PCDHGA2: variants seen among roughly 807,000 people sequenced by gnomAD.
PCDHGA2 encodes the protein protocadherin gamma subfamily A, 2.
In PCDHGA2, 40 loss-of-function variants were observed where a neutral mutation model predicts 59.2. The observed-to-expected ratio is 0.68, with a 90% confidence interval of 0.52 to 0.88. The LOEUF is 0.88. Ranked by LOEUF, PCDHGA2 falls within the 40% of genes least tolerant of loss-of-function variation. The probability of loss-of-function intolerance (pLI) is 0.00; values close to 1 mark genes in which losing one functional copy is unlikely to be tolerated. For missense variants in PCDHGA2, 1,226 were observed against 1,204.0 expected, an observed-to-expected ratio of 1.02 and a Z score of -0.27; for synonymous variants, 560 against 526.0, an observed-to-expected ratio of 1.06 and a Z score of -0.89.
intron 1 of PCDHGA2, chr5:141,377,057 C>A (rs72790015): frequency 0.063 from 9,654 of 152,822 alleles, 351 homozygotes; most frequent in African/African-American, 0.097. Context: ...TTTTCTTAGC[C>A]CTTTGCAGAG....
intron 1 of PCDHGA2, chr5:141,357,072 C>T (rs745612694): frequency 6.2e-7 from 1 of 1,613,960 alleles, no homozygotes; most frequent in Non-Finnish European, 8.5e-7. Flanking sequence ...TGCACACAGG[C>T]GAGGTGCGCA....
intron 1 of PCDHGA2, among the ~76,000 whole-genome samples, chr5:141,442,913 AACT>A (rs1163578304): frequency 6.6e-6 from 1 of 152,214 alleles, no homozygotes. Flanking sequence ...TTCAGCACAC[AACT>A]GTTTCATTTT....
chr5:141,405,595 A>C (rs1255161296), intron 1 of PCDHGA2: 1 of 578,138 alleles, frequency 1.7e-6, no homozygotes, highest in Non-Finnish European at 3.1e-6. Flanking sequence ...CAGGCCTCCC[A>C]AGTAGAATAA....
Position 141,491,964 on chromosome 5 carries a change from C to A in PCDHGA2, c.2425-2843C>A. On this transcript the variant is annotated intron_variant, in intron 1 of 3. Transcript: ENST00000394576. The surrounding 1 kb of genome is among the most constrained non-coding windows in gnomAD (Gnocchi z 6.9). ...CCCCACCCCTACACTCAAAAAAGGC[C>A]GGGGCCTCCTTCGAGCTTCCGGTGA... The A allele has an allele frequency of 1.1e-6, 1 of 943,952 alleles. No homozygotes were observed. The highest frequency in any genetic ancestry group is 1.5e-6 in the Non-Finnish European group (1 of 671,094). 58.5% of individuals were successfully genotyped at this position (943,952 alleles called of 1,614,324 possible). A position where few individuals can be genotyped will look rare whatever the true frequency, so the allele number is the denominator to read the frequency against.
intron 1 of PCDHGA2, chr5:141,421,414 C>A (rs2096570568): frequency 1.9e-6 from 3 of 1,614,066 alleles, no homozygotes; most frequent in South Asian, 2.2e-5. Flanking sequence ...GCTGGCGAAG[C>A]GCGGAGTCCG....
At position 141,476,209 on chromosome 5, in the gene PCDHGA2, G is replaced by A. The variant is rs749576231; in HGVS notation, c.2425-18598G>A. ...TTGGTGCCTTGAACAAGGCTTCCAC[G>A]GTCATTCACTATGAGATCCCGGAGG... On this transcript the variant is annotated intron_variant, in intron 1 of 3. Coordinates refer to ENST00000394576, the MANE Select transcript of PCDHGA2 (RefSeq NM_018915.4). The surrounding 1 kb of genome is among the most constrained non-coding windows in gnomAD (Gnocchi z 7.6). The A allele has an allele frequency of 3.1e-6, 5 of 1,613,974 alleles. No individual in the cohort carries two copies. Among genetic ancestry groups the A allele is most frequent in the Admixed American group, 1.7e-5 (1 of 60,014 alleles).
At chr5:141,463,796 G>T (rs139760353) in intron 1 of PCDHGA2, among the ~76,000 whole-genome samples, 3 of 152,114 alleles carry the variant, frequency 2.0e-5, no homozygotes, top group Non-Finnish European at 2.9e-5. Flanking sequence ...TTGAACAAAT[G>T]TCTAAAAGCT....
At position 141,485,325 on chromosome 5, in the gene PCDHGA2, A is replaced by T; in HGVS notation, c.2425-9482A>T. 6.2e-7 allele frequency: 1 copy of T among 1,614,078 alleles called. No homozygotes were observed. Among genetic ancestry groups the T allele is most frequent in the Non-Finnish European group, 8.5e-7 (1 of 1,180,014 alleles). ...ACTTTTGTAGGGAATGTCGCTCAAG[A>T]TTTCCTGCTGGATACGGACAGTCTG... is the stretch of plus-strand genomic sequence containing the variant. On this transcript the variant is annotated intron_variant, in intron 1 of 3. Coordinates refer to ENST00000394576, the MANE Select transcript of PCDHGA2 (RefSeq NM_018915.4). This position sits in a 1 kb window ranked among gnomAD's most constrained non-coding sequence, Gnocchi z 5.7.
intron 1 of PCDHGA2, chr5:141,351,483 G>A (rs555713426): frequency 3.1e-6 from 5 of 1,613,858 alleles, no homozygotes; most frequent in East Asian, 4.5e-5. Flanking sequence ...GCCCTAAACC[G>A]GGAGCAGACA....
intron 1 of PCDHGA2, among the ~76,000 whole-genome samples, chr5:141,439,595 G>A (rs752771969): frequency 3.9e-5 from 6 of 152,192 alleles, no homozygotes; most frequent in Non-Finnish European, 5.9e-5. Flanking sequence ...CTGTTGGCCA[G>A]TCTGGAAACA....
chr5:141,347,143 CTTTCTT>C (rs1757902436), intron 1 of PCDHGA2, among the ~76,000 whole-genome samples: 6 of 104,078 alleles, frequency 5.8e-5, no homozygotes, highest in South Asian at 2.9e-4. Context: ...TTCTCTCTTT[CTTTCTT>C]TCTTTCTTTC....
chr5:141,374,157 G>A (rs1394990278), intron 1 of PCDHGA2: 1 of 1,612,216 alleles, frequency 6.2e-7, no homozygotes, highest in African/African-American at 1.3e-5. Flanking sequence ...ACGCTGTGGG[G>A]GGCCGCGGCA....
At chr5:141,418,328 G>A (rs1298044571) in intron 1 of PCDHGA2, 1 of 1,614,002 alleles carries the variant, frequency 6.2e-7, no homozygotes, top group Non-Finnish European at 8.5e-7. Flanking sequence ...TCTTGAGTCT[G>A]CAGAAGATCC....
At position 141,494,704 on chromosome 5, in the gene PCDHGA2, T is replaced by C. The variant is rs2099756232; in HGVS notation, c.2425-103T>C. Reference sequence around the variant, plus strand: ...CCCCCTCTTAGTCCGTTTTCTTCTCTGTGCCCACTCCCCTCCTTCTCTCCC... The same window carrying C: ...CCCCCTCTTAGTCCGTTTTCTTCTCCGTGCCCACTCCCCTCCTTCTCTCCC... On this transcript the variant is annotated intron_variant, in intron 1 of 3. Transcript: ENST00000394576. The C allele has an allele frequency of 3.1e-6, 5 of 1,597,570 alleles. No individual in the cohort carries two copies. The Admixed American group carries it at 8.5e-5, about 27-fold the overall frequency.
intron 1 of PCDHGA2, chr5:141,383,080 G>C: frequency 1.9e-6 from 3 of 1,613,930 alleles, no homozygotes; most frequent in Non-Finnish European, 2.5e-6. Context: ...GGAGCTGGCG[G>C]AGCGCGGAGT....
intron 1 of PCDHGA2, chr5:141,361,508 T>C: frequency 1.9e-6 from 3 of 1,614,028 alleles, no homozygotes; most frequent in East Asian, 4.5e-5. Context: ...ACTTCCTACA[T>C]GGTTCACGTG....
At chr5:141,421,633 G>A (rs1369645749) in intron 1 of PCDHGA2, 3 of 1,613,834 alleles carry the variant, frequency 1.9e-6, no homozygotes, top group Non-Finnish European at 2.5e-6. Context: ...CAGCTTCCAG[G>A]AGGACGAAGT....
At chr5:141,352,456 G>A in intron 1 of PCDHGA2, 2 of 1,614,010 alleles carry the variant, frequency 1.2e-6, no homozygotes, top group Non-Finnish European at 1.7e-6. Context: ...CCAAGTCTGG[G>A]CCCGGGGTTC....
intron 1 of PCDHGA2, chr5:141,344,298 A>T: frequency 6.2e-7 from 1 of 1,614,114 alleles, no homozygotes; most frequent in South Asian, 1.1e-5. Context: ...CACCGCGGAG[A>T]GGATAGACCG....
Sources: gnomAD v4.1 joint callset for allele counts (sites outside exome capture counted in the v4.1 genomes callset) on GRCh38, gnomAD v4.1.1 for gene constraint, Gnocchi (gnomAD v3.1) non-coding constraint, MANE v1.5 for transcripts, NCBI Gene and HGNC (gene_info 2026-07-23, HGNC 2026-07-21) for gene names.